Variants in MTCL1 observed in about 807,000 individuals in gnomAD.
The protein encoded by MTCL1 is microtubule cross-linking factor 1.
MTCL1 carries 79 observed loss-of-function variants against 141.4 expected under a neutral mutation model. The ratio of observed to expected loss-of-function variants is 0.56; its 90% confidence interval spans 0.47 to 0.67. MTCL1 has a LOEUF of 0.67. Ranked by LOEUF, MTCL1 falls within the 30% of genes least tolerant of loss-of-function variation. The pLI, the probability that MTCL1 is intolerant of heterozygous loss-of-function variation, is 0.00. For missense variants in MTCL1, 2,177 were observed against 2,113.9 expected (o/e 1.03, Z -0.59); for synonymous variants, 914 against 875.8 (o/e 1.04, Z -0.77).
exon 6 of MTCL1, chr18:8,784,531 G>C (rs147520247): frequency 6.2e-7 from 1 of 1,604,924 alleles, no homozygotes; most frequent in African/African-American, 1.3e-5. Context: ...GCCTCATCAC[G>C]GACACCGACA....
At chr18:8,825,514 G>A (rs768616569) in exon 15 of MTCL1, 35 of 1,611,976 alleles carry the variant, frequency 2.2e-5, no homozygotes, top group East Asian at 1.3e-4. Flanking sequence ...GAAGCCCTGC[G>A]TGGCAGCGGT....
At chr18:8,736,424 A>T (rs1471021542) in intron 4 of MTCL1, among the ~76,000 whole-genome samples, 1 of 152,174 alleles carries the variant, frequency 6.6e-6, no homozygotes, top group African/African-American at 2.4e-5. Context: ...ACATACTCAG[A>T]ATACTTACAT....
chr18:8,792,367 A>C (rs1398144668), intron 7 of MTCL1, among the ~76,000 whole-genome samples: 1 of 152,230 alleles, frequency 6.6e-6, no homozygotes, highest in Non-Finnish European at 1.5e-5. Flanking sequence ...CTTTAAACGT[A>C]GTAAGTACAT....
chr18:8,723,368 T>G (rs2096185965), intron 4 of MTCL1, among the ~76,000 whole-genome samples: 1 of 152,212 alleles, frequency 6.6e-6, no homozygotes, highest in Non-Finnish European at 1.5e-5. Flanking sequence ...GAGGATAATA[T>G]TTTTTCTATT....
upstream of MTCL1, among the ~76,000 whole-genome samples, chr18:8,717,118 GTGCTCCATGC>G (rs144603305): frequency 0.023 from 3,491 of 152,286 alleles, 63 homozygotes; most frequent in Middle Eastern, 0.12. Flanking sequence ...GACCTACCGT[GTGCTCCATGC>G]TGCTCGGGAT....
At chr18:8,752,681 A>G (rs1442211503) in intron 4 of MTCL1, among the ~76,000 whole-genome samples, 1 of 152,210 alleles carries the variant, frequency 6.6e-6, no homozygotes, top group African/African-American at 2.4e-5. Context: ...GATATTGAAA[A>G]ATATTGTCAT....
At position 8,730,578 on chromosome 18, in the gene MTCL1, T is replaced by G. The variant is rs552417277; in HGVS notation, c.357+10082T>G. On this transcript the variant is annotated intron_variant, in intron 4 of 16. Coordinates refer to ENST00000359865, the Ensembl canonical transcript of MTCL1. ...TGATAAGCGAAGCCGCTTCTGTTCA[T>G]CAACTTCCTGAACGTCAGCCAGGCT... Among the ~76,000 whole-genome samples, 10 of 152,354 alleles carry G rather than the reference T, an allele frequency of 6.6e-5. No homozygotes were observed. In the East Asian group the frequency reaches 1.9e-3, roughly 29 times the overall value.
intron 8 of MTCL1, among the ~76,000 whole-genome samples, chr18:8,794,307 G>T (rs755095498): frequency 7.9e-5 from 12 of 152,190 alleles, no homozygotes; most frequent in Non-Finnish European, 1.6e-4. Flanking sequence ...AGAGGCTTCG[G>T]ATGGTAGGAG....
intron 16 of MTCL1, chr18:8,829,085 C>A: frequency 6.4e-7 from 1 of 1,555,562 alleles, no homozygotes. Flanking sequence ...CTCGCTCACC[C>A]CAAGTTCCAG....
chr18:8,714,036 G>A (rs1418625766), upstream of MTCL1, among the ~76,000 whole-genome samples: 6 of 152,302 alleles, frequency 3.9e-5, no homozygotes, highest in East Asian at 5.8e-4. Context: ...GCTTTGTGTC[G>A]TCACTTGTCG....
At chr18:8,706,421 C>G (rs1307021348) in exon 1 of MTCL1, 3 of 1,227,774 alleles carry the variant, frequency 2.4e-6, no homozygotes, top group Non-Finnish European at 3.0e-6. Context: ...ACGCCGAGCC[C>G]CGCAGCCCGA....
intron 13 of MTCL1, among the ~76,000 whole-genome samples, chr18:8,820,375 A>G (rs35724540): frequency 2.7e-4 from 41 of 151,782 alleles, no homozygotes; most frequent in Admixed American, 1.0e-3. Flanking sequence ...GCGCCACTGC[A>G]CTCCAGCCTG....
At chr18:8,801,547 T>C (rs1598731965) in intron 10 of MTCL1, 1 of 152,166 alleles carries the variant, frequency 6.6e-6, no homozygotes, top group African/African-American at 2.4e-5. Flanking sequence ...AAGTAGCCCC[T>C]GCGTGAGGTA....
intron 4 of MTCL1, among the ~76,000 whole-genome samples, chr18:8,730,874 C>T (rs1436618839): frequency 1.3e-5 from 2 of 152,194 alleles, no homozygotes; most frequent in African/African-American, 4.8e-5. Context: ...ATGTGCAGGG[C>T]GTTTCAGCAT....
intron 3 of MTCL1, 109 bp downstream of exon 2, chr18:8,718,757 C>T (rs1032238859): frequency 3.1e-5 from 30 of 960,098 alleles, no homozygotes; most frequent in Non-Finnish European, 4.6e-5. Context: ...CTACAGATTG[C>T]AGCATAAACA....
chr18:8,820,253 C>A (rs2076798542), intron 13 of MTCL1, among the ~76,000 whole-genome samples: 1 of 151,820 alleles, frequency 6.6e-6, no homozygotes, highest in Non-Finnish European at 1.5e-5. Context: ...ACTAAAAATA[C>A]AAAAAAATTA....
chr18:8,718,600 G>C lies in MTCL1; in HGVS notation c.150G>C (p.Thr50=), dbSNP rs374495993. The change falls in exon 3 of 17, where the codon ACG becomes ACC. Residue 50 remains threonine (T), a synonymous_variant. Transcript: ENST00000359865. ...AGAAAAGCCTGAAAGTGGCTGAGAC[G>C]GGTCAGGTGGATGGTGAGCTTATTC... 6 of 1,613,754 alleles carry C rather than the reference G, an allele frequency of 3.7e-6. No homozygotes were observed. The African/African-American group carries it at 8.0e-5, about 22-fold the overall frequency.
At chr18:8,756,069 T>G (rs2096395925) in intron 4 of MTCL1, among the ~76,000 whole-genome samples, 1 of 152,216 alleles carries the variant, frequency 6.6e-6, no homozygotes, top group Non-Finnish European at 1.5e-5. Context: ...TGCAGGAATT[T>G]GAGGCTACAG....
chr18:8,705,624 G>A, upstream of MTCL1: 1 of 1,184,438 alleles, frequency 8.4e-7, no homozygotes, highest in Non-Finnish European at 1.0e-6. This position sits in a 1 kb window ranked among gnomAD's most constrained non-coding sequence, Gnocchi z 5.2. Flanking sequence ...GTCGTCCGGA[G>A]CATCTGCTGC....
Sources: gnomAD v4.1 joint callset for allele counts (sites outside exome capture counted in the v4.1 genomes callset) on GRCh38, gnomAD v4.1.1 for gene constraint, Gnocchi (gnomAD v3.1) non-coding constraint, MANE v1.5 for transcripts, NCBI Gene and HGNC (gene_info 2026-07-23, HGNC 2026-07-21) for gene names.